Variants in CCDC77 observed in about 807,000 individuals in gnomAD.
CCDC77 encodes coiled-coil domain-containing protein 77.
CCDC77 carries 56 observed loss-of-function variants against 66.8 expected under a neutral mutation model. That is an observed-to-expected ratio of 0.84 (90% CI 0.68 to 1.05). The LOEUF is 1.05. Among genes scored for constraint, CCDC77 ranks in the 50% least tolerant of loss-of-function variants. CCDC77 has a pLI of 0.00. For missense variants in CCDC77, 570 were observed against 576.8 expected, an observed-to-expected ratio of 0.99 and a Z score of 0.12; for synonymous variants, 196 against 195.2, an observed-to-expected ratio of 1.00 and a Z score of -0.03.
chr12:410,195 A>G (rs141331711), intron 3 of CCDC77, among the ~76,000 whole-genome samples: 34 of 151,952 alleles, frequency 2.2e-4, no homozygotes, highest in African/African-American at 7.5e-4. Flanking sequence ...CTATTTTGTT[A>G]TGTTATAAAT....
chr12:389,634 T>G lies in CCDC77; in HGVS notation c.-113+148T>G, dbSNP rs1591948726. The G allele has an allele frequency of 4.5e-5, 8 of 178,930 alleles. No individual in the cohort carries two copies. The East Asian group carries it at 7.3e-4, about 16-fold the overall frequency. 11.1% of individuals were successfully genotyped at this position (178,930 alleles called of 1,614,324 possible). Reference sequence around the variant, plus strand: ...TCTTCCGGCGCGGAGGAATGTGTAATGCCCCAGAGGGCAGAGGTTGTGCTT... The same window carrying G: ...TCTTCCGGCGCGGAGGAATGTGTAAGGCCCCAGAGGGCAGAGGTTGTGCTT... On this transcript the variant is annotated intron_variant, in intron 1 of 11. Transcript: ENST00000422000.
intron 4 of CCDC77, among the ~76,000 whole-genome samples, chr12:414,880 A>T (rs1464250890): frequency 6.6e-6 from 1 of 152,142 alleles, no homozygotes; most frequent in East Asian, 1.9e-4. Flanking sequence ...CCTCCTTGCC[A>T]GTACCTGCCT....
At chr12:435,488 C>G (rs1945734452) in intron 9 of CCDC77, among the ~76,000 whole-genome samples, 1 of 152,194 alleles carries the variant, frequency 6.6e-6, no homozygotes, top group Admixed American at 6.5e-5. Context: ...GCCTAAAAAC[C>G]CCCTCAAGTC....
rs1219091835 is a variant in CCDC77 at position 442,515 on chromosome 12, T to C, written c.*595T>C. ...CATCTGGAAAGATTCGGGAGACACT[T>C]TGCCGAGGGGATGAAGCTGAGATGA... is the stretch of plus-strand genomic sequence containing the variant. On this transcript the variant is annotated 3_prime_UTR_variant, in exon 13 of 13. Transcript: ENST00000239830. The C allele has an allele frequency of 6.6e-6, 1 of 152,190 alleles. No individual in the cohort carries two copies. The highest frequency in any genetic ancestry group is 1.5e-5 in the Non-Finnish European group (1 of 68,034). The allele number at this position is 152,190 out of a possible 1,614,324, so 9.4% of individuals were successfully genotyped here.
At chr12:419,228 C>T (rs920616672) in intron 5 of CCDC77, among the ~76,000 whole-genome samples, 11 of 152,142 alleles carry the variant, frequency 7.2e-5, no homozygotes, top group African/African-American at 2.4e-4. Context: ...GGTGGTCTTT[C>T]GGCAGCAAAG....
At chr12:431,394 A>G (rs1037005723) in intron 7 of CCDC77, among the ~76,000 whole-genome samples, 6 of 151,698 alleles carry the variant, frequency 4.0e-5, no homozygotes, top group African/African-American at 1.5e-4. Flanking sequence ...AATTTATTGT[A>G]TTGTATTTTA....
At chr12:428,909 T>A in intron 6 of CCDC77, 44 bp downstream of exon 6, 1 of 1,287,126 alleles carries the variant, frequency 7.8e-7, no homozygotes, top group Non-Finnish European at 1.1e-6. Context: ...GCTTTACAAG[T>A]CACAGGCTAA....
rs188543363 is a variant in CCDC77, at chr12:439,116, G to A, written c.1041+562G>A. 5.3e-5 allele frequency among the ~76,000 whole-genome samples: 8 copies of A among 152,158 alleles called. No individual in the cohort carries two copies. The East Asian group carries it at 9.7e-4, about 18-fold the overall frequency. ...AAAAACATAAATATTTATTGCACTC[G>A]TACTATGGGTTAGGCCCTAGAGTTA... On this transcript the variant is annotated intron_variant, in intron 10 of 12. Transcript: ENST00000239830.
upstream of CCDC77, among the ~76,000 whole-genome samples, chr12:401,041 AC>A (rs1326594662): frequency 6.6e-6 from 1 of 151,980 alleles, no homozygotes; most frequent in Non-Finnish European, 1.5e-5. Context: ...CCACCTTTAC[AC>A]CTTGCTTTCT....
At chr12:432,305 A>G (rs938947471) in intron 8 of CCDC77, among the ~76,000 whole-genome samples, 6 of 152,156 alleles carry the variant, frequency 3.9e-5, no homozygotes, top group Non-Finnish European at 8.8e-5. Flanking sequence ...ATATTCATTT[A>G]TTTAGTGCTT....
intron 1 of CCDC77, among the ~76,000 whole-genome samples, chr12:396,318 G>A (rs1944827985): frequency 6.6e-6 from 1 of 152,178 alleles, no homozygotes; most frequent in Non-Finnish European, 1.5e-5. Flanking sequence ...CTTGAACCTG[G>A]GAGGCGGAGG....
chr12:389,630 G>C, intron 1 of CCDC77: 1 of 241,922 alleles, frequency 4.1e-6, no homozygotes, highest in Non-Finnish European at 8.4e-6. Flanking sequence ...GGAGGAATGT[G>C]TAATGCCCCA....
At chr12:407,819 G>A (rs891940308) in intron 2 of CCDC77, among the ~76,000 whole-genome samples, 7 of 113,108 alleles carry the variant, frequency 6.2e-5, no homozygotes, top group Non-Finnish European at 8.2e-5. Context: ...ACGGAGTCTC[G>A]CTCTGTTGCC....
Position 438,550 on chromosome 12 carries a change from T to A in CCDC77, c.1037T>A (p.Ile346Asn), listed in dbSNP as rs760186816. ...HESHHAQSEYIKSLKDKLVQE... is the reference protein window; with the variant it reads ...HESHHAQSEYNKSLKDKLVQE... ...AGTCACCATGCTCAAAGTGAATATA[T>A]TAAGGTAATGTCCTTATGTCGTAAC... Residue 346 changes from isoleucine (I) to asparagine (N), a missense_variant, in exon 10 of 13, where the codon ATT becomes AAT. Ile to Asn is a moderately radical substitution (Grantham distance 149). Coordinates refer to ENST00000239830, the MANE Select transcript of CCDC77 (RefSeq NM_032358.4). 33 of 1,607,160 alleles carry A rather than the reference T, an allele frequency of 2.1e-5. No homozygotes were observed. The highest frequency in any genetic ancestry group is 2.7e-5 in the Non-Finnish European group (32 of 1,174,888).
At position 411,715 on chromosome 12, in the gene CCDC77, G is replaced by A. The variant is rs778928477; in HGVS notation, c.39-32G>A. The A allele has an allele frequency of 5.8e-6, 9 of 1,557,702 alleles. No homozygotes were observed. The South Asian group carries it at 1.0e-4, about 18-fold the overall frequency. On this transcript the variant is annotated intron_variant, in intron 3 of 12. Transcript: ENST00000239830. ...TATAACTCATAAACTTTCGCAGAGT[G>A]TGATGAATATATCATTTCTAATTTC...
intron 4 of CCDC77, 117 bp from the exon 5 acceptor site, chr12:418,377 T>C: frequency 2.0e-6 from 2 of 1,002,230 alleles, no homozygotes; most frequent in Non-Finnish European, 3.0e-6. Context: ...GAATTCTGTA[T>C]TGGCAAAATT....
chr12:395,393 T>A (rs1012633177), intron 1 of CCDC77, among the ~76,000 whole-genome samples: 3 of 152,148 alleles, frequency 2.0e-5, no homozygotes, highest in Admixed American at 2.0e-4. Flanking sequence ...CCAGCCAGAT[T>A]GGTGACATTT....
Position 438,448 on chromosome 12 carries a change from C to A in CCDC77, c.935C>A (p.Ser312Ter). ...SWMLEKDNLM[S>*]KIKQYRVQCK... ...ATGCTTGAAAAAGATAATTTGATGT[C>A]AAAGATTAAGCAATATAGGGTGCAG... Residue 312 changes from serine (S) to a stop codon, truncating the protein, a stop_gained, in exon 10 of 13, where the codon TCA becomes TAA. Coordinates refer to ENST00000239830, the MANE Select transcript of CCDC77 (RefSeq NM_032358.4). LOFTEE classifies it high-confidence loss of function. 6.2e-7 allele frequency: 1 copy of A among 1,613,610 alleles called. No individual in the cohort carries two copies. The highest frequency in any genetic ancestry group is 1.1e-5 in the South Asian group (1 of 91,036).
intron 6 of CCDC77, among the ~76,000 whole-genome samples, chr12:430,057 A>G (rs1472075548): frequency 6.6e-6 from 1 of 152,096 alleles, no homozygotes; most frequent in Non-Finnish European, 1.5e-5. Context: ...GTAATGGTGC[A>G]ATCTCGGCTC....
Sources: allele counts gnomAD v4.1 joint callset (sites outside exome capture counted in the v4.1 genomes callset), GRCh38; gene constraint gnomAD v4.1.1; transcripts MANE v1.5; gene names NCBI Gene and HGNC (gene_info 2026-07-23, HGNC 2026-07-21).